The following CSPP1 variants were observed in gnomAD, a reference collection of about 807,000 sequenced individuals.
CSPP1 encodes the protein centrosome and spindle pole-associated protein 1.
Under a neutral mutation model 164.4 loss-of-function variants are expected in CSPP1, and 126 were observed. The ratio of observed to expected loss-of-function variants is 0.77; its 90% CI spans 0.66 to 0.89. The LOEUF (loss-of-function observed/expected upper bound fraction) is 0.89, where lower values mean the gene tolerates loss of function less well. Among genes scored for constraint, CSPP1 ranks in the 40% least tolerant of loss-of-function variants. CSPP1 has a pLI of 0.00. For synonymous variants in CSPP1, 472 were observed against 476.7 expected, an observed-to-expected ratio of 0.99 and a Z score of 0.13; for missense variants, 1,395 against 1,449.8, an observed-to-expected ratio of 0.96 and a Z score of 0.61.
At chr8:67,172,380 G>A (rs751029611) in intron 24 of CSPP1, 36 bp from the exon 25 acceptor site, 5 of 1,565,810 alleles carry the variant, frequency 3.2e-6, no homozygotes, top group Non-Finnish European at 8.7e-7. Flanking sequence ...TATTTTTCCT[G>A]TGAAGCACAT....
intron 1 of CSPP1, chr8:67,065,502 C>T (rs995331468): frequency 5.2e-5 from 51 of 976,926 alleles, no homozygotes; most frequent in Admixed American, 2.5e-4. Context: ...GAAGGAATGA[C>T]TTGTAATGTT....
At chr8:67,093,846 T>C (rs1177240860) in intron 6 of CSPP1, among the ~76,000 whole-genome samples, 1 of 152,144 alleles carries the variant, frequency 6.6e-6, no homozygotes, top group Non-Finnish European at 1.5e-5. Context: ...TAACATTTAA[T>C]TGGGGAGATT....
chr8:67,068,065 T>G (rs112654301), intron 1 of CSPP1, among the ~76,000 whole-genome samples: 3,032 of 152,154 alleles, frequency 0.02, 72 homozygotes, highest in South Asian at 0.046. Flanking sequence ...GCCAGACTGG[T>G]CTCAAACTCC....
At chr8:67,144,672 C>A (rs1308287484) in intron 17 of CSPP1, among the ~76,000 whole-genome samples, 2 of 152,096 alleles carry the variant, frequency 1.3e-5, no homozygotes, top group Non-Finnish European at 2.9e-5. Context: ...GTCTCGAACT[C>A]CTGAGCTCAA....
At chr8:67,138,872 A>G (rs1411528408) in intron 17 of CSPP1, among the ~76,000 whole-genome samples, 3 of 152,200 alleles carry the variant, frequency 2.0e-5, no homozygotes, top group African/African-American at 4.8e-5. Context: ...GCCCATGCCT[A>G]TGTCCTGAAT....
intron 19 of CSPP1, among the ~76,000 whole-genome samples, chr8:67,155,371 C>A (rs929131185): frequency 6.6e-6 from 1 of 152,180 alleles, no homozygotes; most frequent in African/African-American, 2.4e-5. Context: ...AACTCTTGAA[C>A]CTAACATTTA....
intron 3 of CSPP1, chr8:67,084,374 A>G (rs929420114): frequency 6.6e-6 from 1 of 152,200 alleles, no homozygotes; most frequent in Non-Finnish European, 1.5e-5. Flanking sequence ...GAATCCATAA[A>G]CATCCACTTA....
Position 67,103,064 on chromosome 8 carries a change from G to A in CSPP1, c.951G>A (p.Met317Ile). Residue 317 changes from methionine to isoleucine, a missense_variant, in exon 8 of 31, where the codon ATG (methionine) becomes ATA (isoleucine). By Grantham distance (10) the Met-to-Ile change is conservative. Coordinates refer to ENST00000678616, the MANE Select transcript of CSPP1 (RefSeq NM_001382391.1). The stretch of plus-strand genomic sequence containing the variant: ...TGCACAGGAACAAACGAGGGAATAT[G>A]CCTCCTATGGAACATGATGGGGATG... ...DRMHRNKRGN[M>I]PPMEHDGDVI... The A allele has an allele frequency of 1.2e-6, 2 of 1,611,028 alleles. No individual in the cohort carries two copies. The highest frequency in any genetic ancestry group is 1.7e-6 in the Non-Finnish European group (2 of 1,177,346).
intron 15 of CSPP1, among the ~76,000 whole-genome samples, chr8:67,122,716 A>G (rs1466064918): frequency 2.6e-5 from 4 of 151,988 alleles, no homozygotes; most frequent in Non-Finnish European, 4.4e-5. Flanking sequence ...CCTGTTGGTG[A>G]GTGTATTATT....
At chr8:67,126,980 G>T (rs1156887618) in intron 15 of CSPP1, among the ~76,000 whole-genome samples, 2 of 151,734 alleles carry the variant, frequency 1.3e-5, no homozygotes, top group Non-Finnish European at 2.9e-5. Flanking sequence ...TTGGATTTTT[G>T]GGGAATTCCA....
Position 67,195,745 on chromosome 8 carries a change from G to GTACA in CSPP1, c.*155_*158dup, listed in dbSNP as rs1186236730. On this transcript the variant is annotated 3_prime_UTR_variant, in exon 31 of 31. Transcript: ENST00000678616. Reference sequence around the variant, plus strand: ...TTATTTTTATCATGATGTATATTATGTACATAAATAAAAGGCCATGATTAT... The same window carrying GTACA: ...TTATTTTTATCATGATGTATATTATGTACATACATAAATAAAAGGCCATGATTAT... The GTACA allele has an allele frequency of 1.6e-6, 1 of 617,538 alleles. No homozygotes were observed. The highest frequency in any genetic ancestry group is 2.8e-5 in the East Asian group (1 of 35,734). The allele number at this position is 617,538 out of a possible 1,614,324, so 38.3% of individuals were successfully genotyped here.
At chr8:67,071,319 G>A (rs1806725682) in intron 1 of CSPP1, among the ~76,000 whole-genome samples, 1 of 150,182 alleles carries the variant, frequency 6.7e-6, no homozygotes. Context: ...AACTAATTAT[G>A]CTGATTGGGT....
chr8:67,074,801 G>A (rs1414481759), intron 2 of CSPP1: 1 of 298,960 alleles, frequency 3.3e-6, no homozygotes, highest in South Asian at 2.8e-5. Context: ...TTTTTTTTGA[G>A]ATAGAATCTC....
At chr8:67,191,938 G>A (rs377401629) in intron 29 of CSPP1, among the ~76,000 whole-genome samples, 6 of 152,048 alleles carry the variant, frequency 3.9e-5, no homozygotes, top group African/African-American at 9.7e-5. Flanking sequence ...GCCATCTATT[G>A]AGTGTAAAGT....
chr8:67,152,898 C>G (rs73256678), intron 18 of CSPP1, among the ~76,000 whole-genome samples: 1 of 152,070 alleles, frequency 6.6e-6, no homozygotes, highest in Admixed American at 6.6e-5. Context: ...AAACTACATG[C>G]GAGAAATACA....
intron 17 of CSPP1, among the ~76,000 whole-genome samples, chr8:67,145,682 C>T (rs1482849318): frequency 1.3e-5 from 2 of 151,916 alleles, no homozygotes; most frequent in African/African-American, 4.8e-5. Flanking sequence ...CACACACCAC[C>T]ACACCTGGCT....
chr8:67,152,642 A>G (rs2129558701), intron 18 of CSPP1, among the ~76,000 whole-genome samples: 1 of 152,344 alleles, frequency 6.6e-6, no homozygotes, highest in African/African-American at 2.4e-5. Flanking sequence ...ATCACGGTGA[A>G]ACATGCTACT....
intron 4 of CSPP1, among the ~76,000 whole-genome samples, chr8:67,090,479 T>TTC (rs1352189441): frequency 6.6e-6 from 1 of 151,964 alleles, no homozygotes; most frequent in Non-Finnish European, 1.5e-5. Flanking sequence ...TAGAGGGGGT[T>TTC]TCGCCTTGTT....
chr8:67,191,191 C>G (rs1836136017), intron 29 of CSPP1, among the ~76,000 whole-genome samples: 1 of 152,248 alleles, frequency 6.6e-6, no homozygotes, highest in Non-Finnish European at 1.5e-5. Context: ...TCTCCTCACT[C>G]TGCTCCCCAG....
Sources: gnomAD v4.1 joint callset for allele counts (sites outside exome capture counted in the v4.1 genomes callset) on GRCh38, gnomAD v4.1.1 for gene constraint, MANE v1.5 for transcripts, NCBI Gene and HGNC (gene_info 2026-07-23, HGNC 2026-07-21) for gene names.